ZMAT4: variants seen among roughly 807,000 people sequenced by gnomAD.
The protein encoded by ZMAT4 is zinc finger matrin-type protein 4.
In ZMAT4, 17 loss-of-function variants were observed where a neutral mutation model predicts 28.7. The ratio of observed to expected loss-of-function variants is 0.59; its 90% CI spans 0.41 to 0.89. ZMAT4 has a LOEUF of 0.89. ZMAT4 is among the 40% of genes least tolerant of loss of function. The pLI, the probability that ZMAT4 is intolerant of heterozygous loss-of-function variation, is 0.00. For synonymous variants in ZMAT4, 117 were observed against 109.2 expected, an observed-to-expected ratio of 1.07 and a Z score of -0.44; for missense variants, 240 against 283.8, an observed-to-expected ratio of 0.85 and a Z score of 1.11.
intron 5 of ZMAT4, among the ~76,000 whole-genome samples, chr8:40,643,680 G>T (rs888183472): frequency 6.6e-6 from 1 of 151,750 alleles, no homozygotes; most frequent in African/African-American, 2.4e-5. Flanking sequence ...GCCCAGCCTG[G>T]AAGCATTCTA....
intron 5 of ZMAT4, among the ~76,000 whole-genome samples, chr8:40,672,979 GT>G (rs1303181765): frequency 1.4e-5 from 2 of 147,444 alleles, no homozygotes; most frequent in African/African-American, 5.4e-5. Context: ...CATAAATAAA[GT>G]GTTATTAATG....
At chr8:40,701,737 C>T (rs1049846507) in intron 3 of ZMAT4, among the ~76,000 whole-genome samples, 2 of 151,732 alleles carry the variant, frequency 1.3e-5, no homozygotes, top group South Asian at 2.1e-4. Flanking sequence ...AAGCTAGTCT[C>T]GAACTCCTGA....
At position 40,578,612 on chromosome 8, in the gene ZMAT4, CTCTT is replaced by C. The variant is rs776746660; in HGVS notation, c.674+2549_674+2552del. ...TTTATTCTCTCTCTCCTCTCTCTCT[CTCTT>C]TCAATCTCAATCTTGATCACAAGCA... On this transcript the variant is annotated intron_variant, in intron 6 of 6. Transcript: ENST00000297737. Among the ~76,000 whole-genome samples the C allele has an allele frequency of 1.2e-4, 18 of 152,248 alleles. 1 individual carries two copies. In the South Asian group the frequency reaches 2.3e-3, roughly 19 times the overall value.
At chr8:40,645,056 T>C (rs1475686834) in intron 5 of ZMAT4, among the ~76,000 whole-genome samples, 2 of 152,134 alleles carry the variant, frequency 1.3e-5, no homozygotes, top group Non-Finnish European at 2.9e-5. Context: ...CTATATGGGA[T>C]CCTGAAACAG....
At chr8:40,576,187 A>G (rs568853383) in intron 6 of ZMAT4, among the ~76,000 whole-genome samples, 1 of 152,218 alleles carries the variant, frequency 6.6e-6, no homozygotes, top group Non-Finnish European at 1.5e-5. Flanking sequence ...CATAACACAA[A>G]TATTTGTGCT....
At chr8:40,811,485 A>G (rs1210849472) in intron 2 of ZMAT4, among the ~76,000 whole-genome samples, 2 of 152,214 alleles carry the variant, frequency 1.3e-5, no homozygotes, top group Non-Finnish European at 2.9e-5. Context: ...AGGCATTCAC[A>G]AGACTGGGGT....
chr8:40,637,505 T>G (rs539594747), intron 5 of ZMAT4, among the ~76,000 whole-genome samples: 6 of 152,298 alleles, frequency 3.9e-5, no homozygotes, highest in African/African-American at 1.4e-4. Context: ...CTACCACTCC[T>G]TGTCTCCCCA....
intron 5 of ZMAT4, among the ~76,000 whole-genome samples, chr8:40,654,280 G>A (rs1807819427): frequency 3.3e-5 from 5 of 152,086 alleles, no homozygotes. Context: ...TTCTCCTTTA[G>A]AAGTTTCCTG....
intron 3 of ZMAT4, among the ~76,000 whole-genome samples, chr8:40,701,665 A>G (rs118114924): frequency 0.045 from 6,868 of 151,512 alleles, 284 homozygotes; most frequent in East Asian, 0.24. Flanking sequence ...TTACAGGTGC[A>G]CACCCTATGC....
At chr8:40,649,440 C>T (rs188153571) in intron 5 of ZMAT4, among the ~76,000 whole-genome samples, 145 of 152,178 alleles carry the variant, frequency 9.5e-4, no homozygotes, top group Non-Finnish European at 1.6e-3. Context: ...CCTGAGTGAC[C>T]TACAAAGAGA....
chr8:40,655,560 A>G (rs1229676381), intron 5 of ZMAT4, among the ~76,000 whole-genome samples: 1 of 151,974 alleles, frequency 6.6e-6, no homozygotes, highest in African/African-American at 2.4e-5. Context: ...AAAACTTACT[A>G]CAATGCTACA....
intron 6 of ZMAT4, among the ~76,000 whole-genome samples, chr8:40,568,685 A>G (rs998431135): frequency 2.0e-5 from 3 of 152,078 alleles, no homozygotes; most frequent in Admixed American, 2.0e-4. Flanking sequence ...ACTTTTTATA[A>G]CTATTACATT....
intron 6 of ZMAT4, among the ~76,000 whole-genome samples, chr8:40,539,361 C>T (rs1294960493): frequency 6.6e-6 from 1 of 152,184 alleles, no homozygotes; most frequent in Non-Finnish European, 1.5e-5. Flanking sequence ...ACTGTCCTAT[C>T]CTGGGCAAGT....
intron 6 of ZMAT4, among the ~76,000 whole-genome samples, chr8:40,534,177 T>G (rs1162112414): frequency 6.6e-6 from 1 of 152,184 alleles, no homozygotes; most frequent in African/African-American, 2.4e-5. Flanking sequence ...GTCATTGTAA[T>G]TATTCAGATC....
At chr8:40,532,981 CAAAAAAA>C (rs201472129) in intron 6 of ZMAT4, among the ~76,000 whole-genome samples, 1 of 98,668 alleles carries the variant, frequency 1.0e-5, no homozygotes, top group Non-Finnish European at 2.2e-5. Flanking sequence ...GACTCCATGT[CAAAAAAA>C]AAAAAAAAAT....
intron 4 of ZMAT4, among the ~76,000 whole-genome samples, chr8:40,690,005 T>C (rs535752970): frequency 2.0e-5 from 3 of 152,146 alleles, no homozygotes; most frequent in Non-Finnish European, 4.4e-5. Context: ...TCTTTAGTTT[T>C]ATCCAATCAC....
At chr8:40,894,461 A>G (rs1419530326) in intron 1 of ZMAT4, among the ~76,000 whole-genome samples, 1 of 152,140 alleles carries the variant, frequency 6.6e-6, no homozygotes, top group Non-Finnish European at 1.5e-5. Context: ...GTAACCAGGA[A>G]AGAGAGGTAA....
intron 1 of ZMAT4, among the ~76,000 whole-genome samples, chr8:40,890,487 C>T (rs1463684875): frequency 6.6e-6 from 1 of 152,124 alleles, no homozygotes; most frequent in Non-Finnish European, 1.5e-5. Flanking sequence ...TGCTGCCCTC[C>T]TCCCCCTCCC....
chr8:40,887,666 G>A (rs992027279), intron 1 of ZMAT4, among the ~76,000 whole-genome samples: 4 of 151,994 alleles, frequency 2.6e-5, no homozygotes, highest in African/African-American at 4.8e-5. Flanking sequence ...CTGCAACCCC[G>A]CAGAGCAATT....
Sources: allele counts gnomAD v4.1 joint callset (sites outside exome capture counted in the v4.1 genomes callset), GRCh38; gene constraint gnomAD v4.1.1; transcripts MANE v1.5; gene names NCBI Gene and HGNC (gene_info 2026-07-23, HGNC 2026-07-21).